TENM3: variants seen among roughly 807,000 people sequenced by gnomAD.
TENM3 encodes the protein teneurin-3.
A neutral mutation model predicts 255.1 loss-of-function variants in TENM3; 63 were observed. The observed-to-expected ratio is 0.25, with a 90% CI of 0.20 to 0.30. TENM3 has a LOEUF of 0.30. Ranked by LOEUF, TENM3 falls within the 10% of genes least tolerant of loss-of-function variation. The probability of loss-of-function intolerance (pLI) is 1.00; values close to 1 mark genes in which losing one functional copy is unlikely to be tolerated. For missense variants in TENM3, 2,929 were observed against 3,461.1 expected (o/e 0.85, Z 3.86); for synonymous variants, 1,306 against 1,322.3 (o/e 0.99, Z 0.27).
At chr4:182,400,050 C>T (rs530813547) in intron 3 of TENM3, among the ~76,000 whole-genome samples, 1 of 152,024 alleles carries the variant, frequency 6.6e-6, no homozygotes, top group African/African-American at 2.4e-5. Context: ...AAAATATTTT[C>T]TTTTATTTTC....
chr4:182,417,657 T>C (rs1770491145), intron 3 of TENM3, among the ~76,000 whole-genome samples: 2 of 152,156 alleles, frequency 1.3e-5, no homozygotes, highest in African/African-American at 4.8e-5. Context: ...ACTGGCATCC[T>C]CAAGGGTCAA....
chr4:181,638,810 A>G, the TENM3 span, among the ~76,000 whole-genome samples: 1 of 152,318 alleles, frequency 6.6e-6, no homozygotes, highest in South Asian at 2.1e-4. Context: ...TTAAATCAGC[A>G]GAGATGCACC....
At chr4:181,831,968 TTGTG>T in the TENM3 span, among the ~76,000 whole-genome samples, 12,746 of 132,590 alleles carry the variant, frequency 0.096, 694 homozygotes, top group East Asian at 0.2. Context: ...ATATATTACA[TTGTG>T]TGTGTGTGTG....
At chr4:182,329,064 C>A (rs1763597542) in intron 2 of TENM3, among the ~76,000 whole-genome samples, 1 of 152,110 alleles carries the variant, frequency 6.6e-6, no homozygotes, top group African/African-American at 2.4e-5. Flanking sequence ...AAATATGTAT[C>A]TTGGACCCTG....
At chr4:182,781,364 G>T (rs4508938) in intron 24 of TENM3, among the ~76,000 whole-genome samples, 45,983 of 142,046 alleles carry the variant, frequency 0.32, 9,339 homozygotes, top group African/African-American at 0.59. Flanking sequence ...TACATTTATT[G>T]ATTTGCATAT....
At chr4:181,638,726 G>GT in the TENM3 span, among the ~76,000 whole-genome samples, 7 of 152,040 alleles carry the variant, frequency 4.6e-5, no homozygotes, top group East Asian at 3.9e-4. Flanking sequence ...GAGATGGTGG[G>GT]TTTTTTTAAA....
chr4:181,618,738 A>G, the TENM3 span, among the ~76,000 whole-genome samples: 11 of 152,304 alleles, frequency 7.2e-5, no homozygotes, highest in South Asian at 2.1e-4. Flanking sequence ...TGTGGCTACA[A>G]TTTTTACAAA....
chr4:182,196,421 C>G (rs1275353033), intron 1 of TENM3, among the ~76,000 whole-genome samples: 1 of 152,130 alleles, frequency 6.6e-6, no homozygotes, highest in Non-Finnish European at 1.5e-5. Flanking sequence ...TTCACCATAG[C>G]CACGCCTCAT....
chr4:181,976,894 A>T, the TENM3 span, among the ~76,000 whole-genome samples: 1 of 152,214 alleles, frequency 6.6e-6, no homozygotes, highest in African/African-American at 2.4e-5. Flanking sequence ...GAGTGACGGA[A>T]AGAATAAGAG....
the TENM3 span, among the ~76,000 whole-genome samples, chr4:181,948,122 C>A: frequency 5.9e-5 from 9 of 152,146 alleles, no homozygotes; most frequent in African/African-American, 2.2e-4. Flanking sequence ...AAAACTATAA[C>A]CGGTACCACT....
At chr4:182,599,170 A>G (rs975570164) in intron 3 of TENM3, among the ~76,000 whole-genome samples, 1 of 152,218 alleles carries the variant, frequency 6.6e-6, no homozygotes, top group African/African-American at 2.4e-5. Context: ...GATTCTAGTC[A>G]CATACACTGA....
intron 1 of TENM3, among the ~76,000 whole-genome samples, chr4:182,161,719 G>T (rs796933755): frequency 2.0e-3 from 1 of 512 alleles, no homozygotes. Context: ...ACATATATAT[G>T]TGTATATATA....
intron 4 of TENM3, among the ~76,000 whole-genome samples, chr4:182,607,676 A>T (rs762537360): frequency 1.3e-5 from 2 of 152,192 alleles, no homozygotes; most frequent in African/African-American, 2.4e-5. Context: ...GTTTAATTGG[A>T]GTGAACCAGT....
intron 1 of TENM3, among the ~76,000 whole-genome samples, chr4:182,258,052 G>A (rs1758538821): frequency 6.6e-6 from 1 of 151,998 alleles, no homozygotes; most frequent in East Asian, 1.9e-4. Flanking sequence ...TGTAAATTGT[G>A]TATGTGTGTA....
At chr4:182,775,235 C>A in intron 24 of TENM3, 82 bp downstream of exon 24, 1 of 1,211,970 alleles carries the variant, frequency 8.3e-7, no homozygotes, top group Non-Finnish European at 1.2e-6. Context: ...GCGTCTCCTG[C>A]TCACCCCCCT....
At chr4:181,553,439 T>TTTTA in the TENM3 span, among the ~76,000 whole-genome samples, 5 of 151,636 alleles carry the variant, frequency 3.3e-5, no homozygotes, top group African/African-American at 4.8e-5. Flanking sequence ...TAGAAGGGCT[T>TTTTA]TTTATTTATT....
the TENM3 span, among the ~76,000 whole-genome samples, chr4:181,547,767 T>C: frequency 1.3e-5 from 2 of 151,336 alleles, no homozygotes; most frequent in African/African-American, 2.4e-5. Flanking sequence ...ATATCCCAAC[T>C]TTTTTTTTAC....
the TENM3 span, among the ~76,000 whole-genome samples, chr4:181,763,521 C>A: frequency 6.6e-6 from 1 of 152,058 alleles, no homozygotes; most frequent in Admixed American, 6.5e-5. Context: ...AGGAAACATA[C>A]TTTGTAATGT....
At chr4:181,890,219 G>C in the TENM3 span, among the ~76,000 whole-genome samples, 1 of 152,192 alleles carries the variant, frequency 6.6e-6, no homozygotes, top group Non-Finnish European at 1.5e-5. Context: ...CAAGACATCA[G>C]CCACCAGCTT....
Sources: allele counts gnomAD v4.1 joint callset (sites outside exome capture counted in the v4.1 genomes callset), GRCh38; gene constraint gnomAD v4.1.1; transcripts MANE v1.5; gene names NCBI Gene and HGNC (gene_info 2026-07-23, HGNC 2026-07-21).